The following SRGAP1 variants were observed in gnomAD, a reference collection of about 807,000 sequenced individuals.
SRGAP1 encodes the protein SLIT-ROBO Rho GTPase-activating protein 1.
A neutral mutation model predicts 121.9 loss-of-function variants in SRGAP1; 43 were observed. The observed-to-expected ratio is 0.35, with a 90% CI of 0.28 to 0.46. The LOEUF (loss-of-function observed/expected upper bound fraction) is 0.46. Among genes scored for constraint, SRGAP1 ranks in the 20% least tolerant of loss-of-function variants. The pLI is 1.00. For synonymous variants in SRGAP1, 447 were observed against 485.4 expected (o/e 0.92, Z 1.04); for missense variants, 1,102 against 1,350.9 (o/e 0.82, Z 2.89).
intron 4 of SRGAP1, among the ~76,000 whole-genome samples, chr12:64,020,869 A>AAAGATG (rs941344076): frequency 1.7e-4 from 25 of 151,082 alleles, no homozygotes; most frequent in Non-Finnish European, 4.4e-5. Context: ...AAAAGAAAAG[A>AAAGATG]AAGATGATTA....
chr12:63,976,640 C>A (rs1286474834), intron 1 of SRGAP1, among the ~76,000 whole-genome samples: 3 of 152,168 alleles, frequency 2.0e-5, no homozygotes, highest in African/African-American at 7.2e-5. Context: ...GTAATAATAA[C>A]ATGTCCATCT....
At chr12:63,897,253 G>A (rs1257930572) in intron 1 of SRGAP1, among the ~76,000 whole-genome samples, 1 of 152,042 alleles carries the variant, frequency 6.6e-6, no homozygotes, top group Non-Finnish European at 1.5e-5. Context: ...TATTTGATGT[G>A]GTTTATATAG....
At chr12:64,035,452 G>A (rs115893688) in intron 4 of SRGAP1, among the ~76,000 whole-genome samples, 304 of 152,234 alleles carry the variant, frequency 2.0e-3, no homozygotes, top group African/African-American at 6.5e-3. Flanking sequence ...TCAAGGCCTA[G>A]CACAGTGTCT....
At chr12:63,936,163 GAAGT>G (rs1212431940) in intron 1 of SRGAP1, among the ~76,000 whole-genome samples, 1 of 152,118 alleles carries the variant, frequency 6.6e-6, no homozygotes, top group African/African-American at 2.4e-5. Context: ...TACCAAATGA[GAAGT>G]AAGTACAATA....
At chr12:63,949,031 A>G (rs2032171571) in intron 1 of SRGAP1, among the ~76,000 whole-genome samples, 1 of 145,450 alleles carries the variant, frequency 6.9e-6, no homozygotes, top group African/African-American at 2.5e-5. Context: ...TATTTTCCAT[A>G]TATGTATTTT....
chr12:64,132,041 G>A (rs2036792942), intron 21 of SRGAP1, among the ~76,000 whole-genome samples: 2 of 152,176 alleles, frequency 1.3e-5, no homozygotes, highest in Admixed American at 1.3e-4. Context: ...CAAGTGTGGT[G>A]GCACACGCCT....
intron 8 of SRGAP1, among the ~76,000 whole-genome samples, chr12:64,066,974 TG>T (rs1240172944): frequency 6.6e-6 from 1 of 152,112 alleles, no homozygotes; most frequent in African/African-American, 2.4e-5. Context: ...AAGTCAAAAC[TG>T]GCAGCTCACA....
chr12:64,145,258 C>G lies in SRGAP1; in HGVS notation c.*2586C>G, dbSNP rs1479432530. ...CTTTGAATTTATTTTTTTTCAATGT[C>G]TTTTCTGAGCTTCAGCCTTAGCTTT... On this transcript the variant is annotated 3_prime_UTR_variant, in exon 22 of 22. Coordinates refer to ENST00000355086, the MANE Select transcript of SRGAP1 (RefSeq NM_020762.4). 6.6e-6 allele frequency: 1 copy of G among 152,118 alleles called. No homozygotes were observed. The highest frequency in any genetic ancestry group is 1.9e-4 in the East Asian group (1 of 5,190). The allele number at this position is 152,118 out of a possible 1,614,324, so 9.4% of individuals were successfully genotyped here.
At chr12:63,994,262 T>C (rs926166481) in intron 3 of SRGAP1, among the ~76,000 whole-genome samples, 2 of 152,198 alleles carry the variant, frequency 1.3e-5, no homozygotes, top group African/African-American at 4.8e-5. Context: ...ACAATAATTA[T>C]GTAATGTGAG....
chr12:64,094,705 T>C (rs1470124988), intron 12 of SRGAP1, among the ~76,000 whole-genome samples: 2 of 152,230 alleles, frequency 1.3e-5, no homozygotes, highest in Non-Finnish European at 2.9e-5. Context: ...TATTCACATA[T>C]TCATTTTGGT....
chr12:63,923,190 G>A (rs1225575256), intron 1 of SRGAP1, among the ~76,000 whole-genome samples: 1 of 152,108 alleles, frequency 6.6e-6, no homozygotes, highest in African/African-American at 2.4e-5. Context: ...CTTTTCTTAT[G>A]TACTTTTATG....
At chr12:63,960,734 G>A (rs1330759410) in intron 1 of SRGAP1, among the ~76,000 whole-genome samples, 1 of 152,180 alleles carries the variant, frequency 6.6e-6, no homozygotes, top group African/African-American at 2.4e-5. Flanking sequence ...GTAATCACAA[G>A]GGTCCTTATA....
intron 4 of SRGAP1, among the ~76,000 whole-genome samples, chr12:64,031,814 TAAAGTTAGATTTGA>T (rs2034787623): frequency 6.6e-6 from 1 of 152,200 alleles, no homozygotes. Flanking sequence ...GCCTGAGGTA[TAAAGTTAGATTTGA>T]TTGTCTCCCT....
intron 6 of SRGAP1, among the ~76,000 whole-genome samples, chr12:64,045,430 C>T (rs2136509975): frequency 6.6e-6 from 1 of 151,480 alleles, no homozygotes; most frequent in South Asian, 2.1e-4. Flanking sequence ...TGGCTAAATC[C>T]AAACCAATTT....
At position 64,147,676 on chromosome 12, in the gene SRGAP1, A is replaced by C. The variant is rs1421026006; in HGVS notation, c.*5004A>C. On this transcript the variant is annotated 3_prime_UTR_variant, in exon 22 of 22. Coordinates refer to ENST00000355086, the MANE Select transcript of SRGAP1 (RefSeq NM_020762.4). Reference sequence around the variant, plus strand: ...GGTGAAAATAAAGGGGGATGCTTTTACAGTCTGGAAAGAAAAAAAATGTTT... The same window carrying C: ...GGTGAAAATAAAGGGGGATGCTTTTCCAGTCTGGAAAGAAAAAAAATGTTT... 5.0e-6 allele frequency: 2 copies of C among 398,452 alleles called. No homozygotes were observed. Among genetic ancestry groups the C allele is most frequent in the Non-Finnish European group, 8.8e-6 (2 of 226,090 alleles). 24.7% of individuals were successfully genotyped at this position (398,452 alleles called of 1,614,324 possible).
intron 1 of SRGAP1, among the ~76,000 whole-genome samples, chr12:63,962,137 A>G (rs1185549122): frequency 6.6e-6 from 1 of 152,168 alleles, no homozygotes; most frequent in African/African-American, 2.4e-5. Flanking sequence ...TTATTTAGAT[A>G]TTGACAATTG....
At chr12:63,946,417 C>T (rs2032049558) in intron 1 of SRGAP1, among the ~76,000 whole-genome samples, 1 of 151,680 alleles carries the variant, frequency 6.6e-6, no homozygotes, top group South Asian at 2.1e-4. Context: ...TTTCTATTAC[C>T]ACCACTCCTA....
chr12:63,854,320 C>G lies in SRGAP1; in HGVS notation c.67+9437C>G, dbSNP rs535526160. ...GAATATAGGGCCATTTGAACACTTT[C>G]TGAATTTTTAATAATATTGATGAAT... On this transcript the variant is annotated intron_variant, in intron 1 of 21. Coordinates refer to ENST00000355086, the MANE Select transcript of SRGAP1 (RefSeq NM_020762.4). Among the ~76,000 whole-genome samples, 42 of 152,208 alleles carry G rather than the reference C, an allele frequency of 2.8e-4. 1 individual carries two copies. In the South Asian group the frequency reaches 6.0e-3, roughly 22 times the overall value.
At chr12:64,142,042 G>A (rs768617663) in intron 21 of SRGAP1, among the ~76,000 whole-genome samples, 2 of 152,098 alleles carry the variant, frequency 1.3e-5, no homozygotes, top group Non-Finnish European at 2.9e-5. Context: ...CCATTAGAAG[G>A]CTACCTTAGG....
Sources: gnomAD v4.1 joint callset for allele counts (sites outside exome capture counted in the v4.1 genomes callset) on GRCh38, gnomAD v4.1.1 for gene constraint, MANE v1.5 for transcripts, NCBI Gene and HGNC (gene_info 2026-07-23, HGNC 2026-07-21) for gene names.